Variants in PTP4A3 observed in about 807,000 individuals in gnomAD.
PTP4A3 encodes the protein protein tyrosine phosphatase type IVA 3.
PTP4A3 carries 9 observed loss-of-function variants against 15.2 expected under a neutral mutation model. The ratio of observed to expected loss-of-function variants is 0.59; its 90% CI spans 0.36 to 1.03. The LOEUF (loss-of-function observed/expected upper bound fraction) is 1.03, where lower values mean the gene tolerates loss of function less well. Ranked by LOEUF, PTP4A3 falls within the 50% of genes least tolerant of loss-of-function variation. The pLI, the probability that PTP4A3 is intolerant of heterozygous loss-of-function variation, is 0.02. For synonymous variants in PTP4A3, 95 were observed against 102.0 expected, an observed-to-expected ratio of 0.93 and a Z score of 0.41; for missense variants, 234 against 252.1, an observed-to-expected ratio of 0.93 and a Z score of 0.49.
At position 141,422,092 on chromosome 8, in the gene PTP4A3, T is replaced by G; in HGVS notation, c.-149T>G. 1.5e-6 allele frequency: 1 copy of G among 681,050 alleles called. No individual in the cohort carries two copies. The highest frequency in any genetic ancestry group is 2.5e-6 in the Non-Finnish European group (1 of 395,768). The allele number at this position is 681,050 out of a possible 1,614,324, so 42.2% of individuals were successfully genotyped here. On this transcript the variant is annotated 5_prime_UTR_variant, in exon 2 of 6. It removes an upstream start codon present in the reference 5' UTR. Coordinates refer to ENST00000521578, the MANE Select transcript of PTP4A3 (RefSeq NM_032611.3). ...ATTTGCACAATATTTGTGCGGGGTATGGGGGTGGGTTTTTAAATCTCGTTT... is the reference window on the plus strand; with the variant it reads ...ATTTGCACAATATTTGTGCGGGGTAGGGGGGTGGGTTTTTAAATCTCGTTT...
chr8:141,418,829 C>T (rs1244052759), intron 1 of PTP4A3, among the ~76,000 whole-genome samples: 3 of 152,166 alleles, frequency 2.0e-5, no homozygotes, highest in Non-Finnish European at 4.4e-5. Context: ...GATCCTTAAC[C>T]CTTGCTCTCA....
chr8:141,426,936 T>A lies in PTP4A3; in HGVS notation c.199-3T>A, dbSNP rs759605703. ...GGGTCCTCATGTCTGCTTCCCTCCG[T>A]AGGACTGGCCGTTTGACGATGGGGC... On this transcript the variant is annotated splice_region_variant and splice_polypyrimidine_tract_variant and intron_variant, in intron 3 of 5. Transcript: ENST00000521578. 2 of 1,611,158 alleles carry A rather than the reference T, an allele frequency of 1.2e-6. No individual in the cohort carries two copies. Among genetic ancestry groups the A allele is most frequent in the Non-Finnish European group, 1.7e-6 (2 of 1,179,720 alleles).
At chr8:141,417,289 G>T (rs943632696) in intron 1 of PTP4A3, among the ~76,000 whole-genome samples, 2 of 152,176 alleles carry the variant, frequency 1.3e-5, no homozygotes, top group Non-Finnish European at 2.9e-5. Context: ...AGTACGCTAG[G>T]AGAGACCAGC....
At chr8:141,416,783 A>G (rs1489463730) in intron 1 of PTP4A3, among the ~76,000 whole-genome samples, 2 of 147,446 alleles carry the variant, frequency 1.4e-5, no homozygotes, top group African/African-American at 5.0e-5. Flanking sequence ...GGAGGAGGCG[A>G]GGGTTGCCGG....
intron 1 of PTP4A3, among the ~76,000 whole-genome samples, chr8:141,398,321 G>A (rs922358571): frequency 2.6e-5 from 4 of 152,214 alleles, no homozygotes; most frequent in Non-Finnish European, 5.9e-5. Flanking sequence ...TGATTGCTTG[G>A]TTCTGCTTGA....
chr8:141,422,147 C>T lies in PTP4A3; in HGVS notation c.-94C>T, dbSNP rs1322807914. The T allele has an allele frequency of 8.4e-7, 1 of 1,184,162 alleles. No individual in the cohort carries two copies. Among genetic ancestry groups the T allele is most frequent in the Non-Finnish European group, 1.2e-6 (1 of 803,612 alleles). The allele number at this position is 1,184,162 out of a possible 1,614,324, so 73.4% of individuals were successfully genotyped here. On this transcript the variant is annotated 5_prime_UTR_variant, in exon 2 of 6. Transcript: ENST00000521578. Reference sequence around the variant, plus strand: ...TGGACAAGCACAGGGATCTCGTTCTCCTCATTTTTTGGGGGTGTGTGGGGA... The same window carrying T: ...TGGACAAGCACAGGGATCTCGTTCTTCTCATTTTTTGGGGGTGTGTGGGGA...
At chr8:141,428,170 C>T (rs1234365523) in intron 5 of PTP4A3, among the ~76,000 whole-genome samples, 4 of 152,142 alleles carry the variant, frequency 2.6e-5, no homozygotes, top group African/African-American at 9.7e-5. Flanking sequence ...AAACTAGAAC[C>T]TGAAACCCCA....
In PTP4A3 at chr8:141,403,370, G is replaced by A. The variant is rs547929811; in HGVS notation, c.-854+11286G>A. On this transcript the variant is annotated intron_variant, in intron 1 of 5. Transcript: ENST00000521578. The stretch of plus-strand genomic sequence containing the variant: ...GGGGAGGCTCTGGTCTGAGAGTCCC[G>A]AGCCTGGGGAGATGGCCTGGCTGGG... Among the ~76,000 whole-genome samples, 335 of 152,274 alleles carry A rather than the reference G, an allele frequency of 2.2e-3. 2 individuals carry two copies. Among genetic ancestry groups the A allele is most frequent in the African/African-American group, 7.5e-3 (311 of 41,554 alleles).
chr8:141,397,089 G>C (rs1370466632), intron 1 of PTP4A3, among the ~76,000 whole-genome samples: 1 of 152,216 alleles, frequency 6.6e-6, no homozygotes, highest in Non-Finnish European at 1.5e-5. Flanking sequence ...AGGTTGATCT[G>C]TGTTGAATTT....
At position 141,392,133 on chromosome 8, in the gene PTP4A3, G is replaced by A. The variant is rs1276457011; in HGVS notation, c.-854+49G>A. The A allele has an allele frequency of 2.7e-5, 4 of 147,150 alleles. No individual in the cohort carries two copies. The East Asian group carries it at 7.8e-4, about 29-fold the overall frequency. The allele number at this position is 147,150 out of a possible 1,614,324, so 9.1% of individuals were successfully genotyped here. On this transcript the variant is annotated intron_variant, in intron 1 of 5. Coordinates refer to ENST00000521578, the MANE Select transcript of PTP4A3 (RefSeq NM_032611.3). The stretch of plus-strand genomic sequence containing the variant: ...GGGGCGGGGGCGCGCGGCGCTTTGT[G>A]GAGGCGCGTGGGGGGCCGTCCGCGC...
At chr8:141,417,639 G>A (rs1404388887) in intron 1 of PTP4A3, among the ~76,000 whole-genome samples, 1 of 152,038 alleles carries the variant, frequency 6.6e-6, no homozygotes, top group South Asian at 2.1e-4. Flanking sequence ...GGGAGGGCGC[G>A]CACCGGGAGA....
intron 5 of PTP4A3, among the ~76,000 whole-genome samples, chr8:141,429,096 A>G (rs7835177): frequency 0.034 from 5,155 of 152,336 alleles, 283 homozygotes; most frequent in African/African-American, 0.12. Flanking sequence ...CTGAACCCCA[A>G]CGACTCAGAA....
chr8:141,399,243 C>T (rs1390392608), intron 1 of PTP4A3, among the ~76,000 whole-genome samples: 2 of 152,076 alleles, frequency 1.3e-5, no homozygotes, highest in Admixed American at 6.5e-5. Context: ...TCTACTGATG[C>T]CTGGAACGCT....
At chr8:141,402,904 C>A (rs181219415) in intron 1 of PTP4A3, among the ~76,000 whole-genome samples, 28 of 152,234 alleles carry the variant, frequency 1.8e-4, no homozygotes, top group African/African-American at 6.7e-4. Context: ...CAGGTGCCTG[C>A]GGGCAGCCCG....
chr8:141,407,315 C>T (rs543447674), intron 1 of PTP4A3, among the ~76,000 whole-genome samples: 7 of 152,344 alleles, frequency 4.6e-5, no homozygotes, highest in East Asian at 1.9e-4. Flanking sequence ...CTCAACCTCC[C>T]GTACCCAATG....
At chr8:141,424,032 TGACCAGG>T (rs1263436442) in intron 2 of PTP4A3, among the ~76,000 whole-genome samples, 3 of 152,098 alleles carry the variant, frequency 2.0e-5, no homozygotes, top group Non-Finnish European at 2.9e-5. Flanking sequence ...GCTCAGCCTG[TGACCAGG>T]GCCAGGGCTG....
chr8:141,427,169 C>G, intron 4 of PTP4A3, 100 bp downstream of exon 4: 5 of 1,502,286 alleles, frequency 3.3e-6, no homozygotes, highest in Non-Finnish European at 4.5e-6. Flanking sequence ...CACACGTCCA[C>G]GCGACCTTCC....
intron 4 of PTP4A3, 86 bp from the exon 5 acceptor site, chr8:141,427,664 C>G (rs971577338): frequency 8.2e-7 from 1 of 1,224,224 alleles, no homozygotes; most frequent in African/African-American, 1.5e-5. Context: ...CTTGGGCCCC[C>G]GTGCCCTGCA....
chr8:141,397,805 C>T (rs1832490543), intron 1 of PTP4A3, among the ~76,000 whole-genome samples: 1 of 152,250 alleles, frequency 6.6e-6, no homozygotes, highest in Non-Finnish European at 1.5e-5. Flanking sequence ...AAATGTTTTG[C>T]AGAAATTGGA....
Sources: allele counts gnomAD v4.1 joint callset (sites outside exome capture counted in the v4.1 genomes callset), GRCh38; gene constraint gnomAD v4.1.1; transcripts MANE v1.5; gene names NCBI Gene and HGNC (gene_info 2026-07-23, HGNC 2026-07-21).